Variants in TNFRSF8 observed in about 807,000 individuals in gnomAD.
The protein encoded by TNFRSF8 is TNF receptor superfamily member 8, also known as tumor necrosis factor receptor superfamily member 8.
Under a neutral mutation model 70.8 loss-of-function variants are expected in TNFRSF8, and 26 were observed. The ratio of observed to expected loss-of-function variants is 0.37; its 90% CI spans 0.27 to 0.51. TNFRSF8 has a LOEUF of 0.51. Ranked by LOEUF, TNFRSF8 falls within the 20% of genes least tolerant of loss-of-function variation. The pLI is 0.94. For missense variants in TNFRSF8, 720 were observed against 807.9 expected (o/e 0.89, Z 1.32); for synonymous variants, 356 against 339.2 (o/e 1.05, Z -0.54).
chr1:12,126,296 G>C, intron 12 of TNFRSF8, 60 bp downstream of exon 12: 1 of 1,599,326 alleles, frequency 6.3e-7, no homozygotes, highest in South Asian at 1.1e-5. Context: ...GCAGCTCTGG[G>C]CCCGGGGCGT....
rs11806819 is a variant in TNFRSF8, at chr1:12,093,307, G to A, written c.152-3794G>A. 1.9e-3 allele frequency among the ~76,000 whole-genome samples: 289 copies of A among 152,282 alleles called. 1 individual carries two copies. Among genetic ancestry groups the A allele is most frequent in the African/African-American group, 6.6e-3 (274 of 41,564 alleles). On this transcript the variant is annotated intron_variant, in intron 2 of 14. Transcript: ENST00000263932. ...CCAACATTCAGGATGTATGAGGGGT[G>A]TTAGAGAAAAGATCAAGATACCCAG...
At position 12,114,415 on chromosome 1, in the gene TNFRSF8, C is replaced by T. The variant is rs577776061; in HGVS notation, c.794-1162C>T. Among the ~76,000 whole-genome samples the T allele has an allele frequency of 4.6e-5, 7 of 152,248 alleles. No homozygotes were observed. The South Asian group carries it at 1.5e-3, about 32-fold the overall frequency. On this transcript the variant is annotated intron_variant, in intron 7 of 14. Transcript: ENST00000263932. The stretch of plus-strand genomic sequence containing the variant: ...GCTGAGCTCACACACACCCTTTGCA[C>T]AAATTCCCCAAATCCTGCCCAGTTC...
In TNFRSF8 at chr1:12,104,507, G is replaced by A; in HGVS notation, c.397G>A (p.Ala133Thr). The A allele has an allele frequency of 6.2e-7, 1 of 1,614,174 alleles. No individual in the cohort carries two copies. The highest frequency in any genetic ancestry group is 1.1e-5 in the South Asian group (1 of 91,070). ...ARCFFHSVCP[A>T]GMIVKFPGTA... Reference sequence around the variant, plus strand: ...CTGCTTCTTCCATTCTGTCTGTCCGGCAGGGATGATTGTCAAGTTCCCAGG... The same window carrying A: ...CTGCTTCTTCCATTCTGTCTGTCCGACAGGGATGATTGTCAAGTTCCCAGG... Residue 133 changes from alanine (A) to threonine (T), a missense_variant, in exon 4 of 15, where the codon GCA becomes ACA. Ala to Thr is a moderately conservative substitution (Grantham distance 58). Coordinates refer to ENST00000263932, the MANE Select transcript of TNFRSF8 (RefSeq NM_001243.5).
chr1:12,133,251 G>A (rs886806506), intron 12 of TNFRSF8, among the ~76,000 whole-genome samples: 7 of 151,942 alleles, frequency 4.6e-5, no homozygotes, highest in Non-Finnish European at 8.8e-5. Context: ...GCAGCTCTGC[G>A]ATCCCGTTCA....
intron 2 of TNFRSF8, among the ~76,000 whole-genome samples, chr1:12,086,937 T>A (rs1641161976): frequency 6.6e-6 from 1 of 151,980 alleles, no homozygotes; most frequent in Non-Finnish European, 1.5e-5. Context: ...TTCAACACAT[T>A]TAACATATGA....
chr1:12,140,747 C>T (rs1642236948), intron 14 of TNFRSF8, among the ~76,000 whole-genome samples: 1 of 152,186 alleles, frequency 6.6e-6, no homozygotes, highest in African/African-American at 2.4e-5. Flanking sequence ...TGTGAGGGGA[C>T]CAGCCTGTCC....
chr1:12,124,829 C>A (rs569093889), intron 10 of TNFRSF8, among the ~76,000 whole-genome samples: 8 of 146,030 alleles, frequency 5.5e-5, no homozygotes, highest in South Asian at 4.4e-4. Flanking sequence ...GAATCAGTCT[C>A]AAACAAAACA....
At position 12,097,097 on chromosome 1, in the gene TNFRSF8, C is replaced by T. The variant is rs372342597; in HGVS notation, c.152-4C>T. ...GCTTGGAGCTTCTCTGTTTCTTTTC[C>T]CAGGGCTGTTCCCGACACAGCAGTG... On this transcript the variant is annotated splice_region_variant and splice_polypyrimidine_tract_variant and intron_variant, in intron 2 of 14. Transcript: ENST00000263932. The T allele has an allele frequency of 2.5e-6, 4 of 1,612,734 alleles. No homozygotes were observed. Among genetic ancestry groups the T allele is most frequent in the East Asian group, 4.5e-5 (2 of 44,872 alleles).
In TNFRSF8 at chr1:12,138,535, T is replaced by C. The variant is rs6541015; in HGVS notation, c.1543+99T>C. ...TGGAAGGGACCTGGAGACCCTGGAG[T>C]TGAAAGGCCCAGGAAAGGAGAGGCA... On this transcript the variant is annotated intron_variant, in intron 14 of 14. Coordinates refer to ENST00000263932, the MANE Select transcript of TNFRSF8 (RefSeq NM_001243.5). The surrounding 1 kb of genome is among the most constrained non-coding windows in gnomAD (Gnocchi z 5.7). The C allele has an allele frequency of 4.0e-3, 4,911 of 1,215,256 alleles. 138 individuals are homozygous for C. The African/African-American group carries it at 0.068, about 17-fold the overall frequency. 75.3% of individuals were successfully genotyped at this position (1,215,256 alleles called of 1,614,324 possible).
Position 12,063,577 on chromosome 1 carries a change from C to T in TNFRSF8, c.-22C>T. 1.3e-5 allele frequency: 17 copies of T among 1,311,214 alleles called. No homozygotes were observed. Among genetic ancestry groups the T allele is most frequent in the Non-Finnish European group, 1.7e-5 (17 of 1,022,476 alleles). The allele number at this position is 1,311,214 out of a possible 1,614,324, so 81.2% of individuals were successfully genotyped here. A position where few individuals can be genotyped will look rare whatever the true frequency, so the allele number is the denominator to read the frequency against. On this transcript the variant is annotated 5_prime_UTR_variant, in exon 1 of 15. Transcript: ENST00000263932. This position sits in a 1 kb window ranked among gnomAD's most constrained non-coding sequence, Gnocchi z 7.2. ...CCCAGGTGGGCGCCGGCCGCCAGGC[C>T]ACCTCACGTCCGGCCCCGGGGATGC...
chr1:12,071,233 G>A (rs1035664617), intron 1 of TNFRSF8, among the ~76,000 whole-genome samples: 2 of 152,180 alleles, frequency 1.3e-5, no homozygotes, highest in African/African-American at 4.8e-5. Context: ...GGGGCCAGGA[G>A]TTTGAGACCA....
intron 1 of TNFRSF8, among the ~76,000 whole-genome samples, chr1:12,084,109 T>G (rs933079492): frequency 6.6e-6 from 1 of 152,190 alleles, no homozygotes; most frequent in African/African-American, 2.4e-5. Context: ...AAATTTGTAT[T>G]GTTGGGCCCA....
rs759144141 is a variant in TNFRSF8 at position 12,123,271 on chromosome 1, G to A, written c.947-13G>A. ...CTTGGCGCTGGTTCTCAGATGTTAC[G>A]TCCCCTCTGCAGATATGGCTGAGAA... On this transcript the variant is annotated splice_polypyrimidine_tract_variant and intron_variant, in intron 8 of 14. Transcript: ENST00000263932. 58 of 1,606,098 alleles carry A rather than the reference G, an allele frequency of 3.6e-5. No homozygotes were observed. The highest frequency in any genetic ancestry group is 4.7e-5 in the Non-Finnish European group (55 of 1,176,382).
chr1:12,116,724 C>T (rs778982552), intron 8 of TNFRSF8, among the ~76,000 whole-genome samples: 57 of 152,066 alleles, frequency 3.7e-4, no homozygotes, highest in Admixed American at 1.6e-3. Context: ...CGCTTGAACC[C>T]GGGAGGCATA....
At chr1:12,124,484 C>T (rs560711762) in intron 10 of TNFRSF8, among the ~76,000 whole-genome samples, 5 of 152,238 alleles carry the variant, frequency 3.3e-5, no homozygotes, top group Middle Eastern at 3.4e-3. Flanking sequence ...TGGCAGAGAC[C>T]GTGCAGGGTT....
intron 1 of TNFRSF8, among the ~76,000 whole-genome samples, chr1:12,083,224 C>T (rs1302987161): frequency 6.6e-6 from 1 of 152,166 alleles, no homozygotes; most frequent in Non-Finnish European, 1.5e-5. Flanking sequence ...CCTACTAGTA[C>T]GACTACTTTA....
rs543703916 is a variant in TNFRSF8 at position 12,133,253 on chromosome 1, TCC to T, written c.1310-2333_1310-2332del. On this transcript the variant is annotated intron_variant, in intron 12 of 14. Coordinates refer to ENST00000263932, the MANE Select transcript of TNFRSF8 (RefSeq NM_001243.5). ...CTGCAGGGTATGGGCAGCTCTGCGA[TCC>T]CGTTCACCCACTTCCCCTTCAAGGC... 3.3e-3 allele frequency among the ~76,000 whole-genome samples: 499 copies of T among 152,220 alleles called. 2 individuals are homozygous for T. Among genetic ancestry groups the T allele is most frequent in the African/African-American group, 0.011 (465 of 41,520 alleles).
In TNFRSF8 at chr1:12,113,339, T is replaced by C. The variant is rs898341522; in HGVS notation, c.793+1325T>C. Among the ~76,000 whole-genome samples, 1 of 152,134 alleles carries C rather than the reference T, an allele frequency of 6.6e-6. No homozygotes were observed. The highest frequency in any genetic ancestry group is 1.5e-5 in the Non-Finnish European group (1 of 68,032). On this transcript the variant is annotated intron_variant, in intron 7 of 14. Coordinates refer to ENST00000263932, the MANE Select transcript of TNFRSF8 (RefSeq NM_001243.5). The surrounding 1 kb of genome is among the most constrained non-coding windows in gnomAD (Gnocchi z 4.9). ...GGCGAAGTCTTTTTCTCTTTTTTTC[T>C]TTTTTTGTATTTTTAGTAGAGACGG...
intron 2 of TNFRSF8, among the ~76,000 whole-genome samples, chr1:12,090,611 C>T (rs1387516030): frequency 6.6e-6 from 1 of 151,596 alleles, no homozygotes; most frequent in Non-Finnish European, 1.5e-5. Context: ...CATTTACCCA[C>T]CCATCCACCC....
Sources: allele counts gnomAD v4.1 joint callset (sites outside exome capture counted in the v4.1 genomes callset), GRCh38; gene constraint gnomAD v4.1.1; non-coding constraint Gnocchi (gnomAD v3.1); transcripts MANE v1.5; gene names NCBI Gene and HGNC (gene_info 2026-07-23, HGNC 2026-07-21).